VRK2: variants seen among roughly 807,000 people sequenced by gnomAD.
The protein encoded by VRK2 is VRK serine/threonine kinase 2, also known as serine/threonine-protein kinase VRK2.
VRK2 carries 60 observed loss-of-function variants against 57.6 expected under a neutral mutation model. That is an observed-to-expected ratio of 1.04 (90% CI 0.85 to 1.29). The LOEUF is 1.29. Ranked by LOEUF, VRK2 falls within the 50% of genes most tolerant of loss-of-function variation. The pLI is 0.00. For synonymous variants in VRK2, 231 were observed against 199.2 expected, an observed-to-expected ratio of 1.16 and a Z score of -1.35; for missense variants, 705 against 588.1, an observed-to-expected ratio of 1.20 and a Z score of -2.06.
intron 1 of VRK2, among the ~76,000 whole-genome samples, chr2:57,957,240 T>A (rs576068967): frequency 1.3e-5 from 2 of 152,298 alleles, no homozygotes; most frequent in South Asian, 4.1e-4. Flanking sequence ...ACTACCTCTT[T>A]CAAATAATTC....
intron 2 of VRK2, among the ~76,000 whole-genome samples, chr2:58,058,912 A>G (rs1022805164): frequency 6.6e-6 from 1 of 152,054 alleles, no homozygotes; most frequent in Non-Finnish European, 1.5e-5. Flanking sequence ...GTCCAAGAAC[A>G]CTTGAATTTA....
intron 7 of VRK2, among the ~76,000 whole-genome samples, chr2:58,108,567 A>G (rs1480934343): frequency 1.3e-5 from 2 of 151,796 alleles, no homozygotes; most frequent in Non-Finnish European, 2.9e-5. Context: ...CTCCGCCCTC[A>G]ACACACACTG....
chr2:58,013,594 G>T (rs1161695392), intron 1 of VRK2, among the ~76,000 whole-genome samples: 1 of 152,086 alleles, frequency 6.6e-6, no homozygotes, highest in South Asian at 2.1e-4. Context: ...ATACAGGGCC[G>T]GGCGCGGTGG....
intron 1 of VRK2, among the ~76,000 whole-genome samples, chr2:57,976,650 A>G (rs1022548711): frequency 6.6e-6 from 1 of 151,986 alleles, no homozygotes; most frequent in African/African-American, 2.4e-5. Flanking sequence ...TTGCAAATAT[A>G]TTCTTCCCTA....
intron 12 of VRK2, among the ~76,000 whole-genome samples, chr2:58,156,242 T>TG (rs1229881076): frequency 2.0e-5 from 3 of 152,166 alleles, no homozygotes; most frequent in African/African-American, 7.2e-5. Context: ...TTTTTTCTGC[T>TG]AAGAAGTTAG....
At chr2:57,995,241 C>T (rs557144216) in intron 1 of VRK2, among the ~76,000 whole-genome samples, 1 of 152,226 alleles carries the variant, frequency 6.6e-6, no homozygotes, top group African/African-American at 2.4e-5. Flanking sequence ...TATCATCATG[C>T]ACTAGTCGTT....
chr2:58,083,640 C>T (rs923382496), intron 2 of VRK2, among the ~76,000 whole-genome samples: 4 of 151,618 alleles, frequency 2.6e-5, no homozygotes, highest in African/African-American at 7.3e-5. Flanking sequence ...TAAATTGAAT[C>T]GATTTTTATT....
At chr2:58,025,674 G>A (rs188486267) in exon 2 of VRK2, 1 of 152,276 alleles carries the variant, frequency 6.6e-6, no homozygotes, top group African/African-American at 2.4e-5. Context: ...GAAATGGAAT[G>A]AATCCCCAAG....
chr2:58,023,114 G>A (rs1312640870), intron 1 of VRK2, among the ~76,000 whole-genome samples: 1 of 152,094 alleles, frequency 6.6e-6, no homozygotes, highest in African/African-American at 2.4e-5. Context: ...AAACTCTGTA[G>A]CCATTAAAGA....
At chr2:58,096,068 A>G (rs1388259227) in intron 7 of VRK2, among the ~76,000 whole-genome samples, 1 of 152,010 alleles carries the variant, frequency 6.6e-6, no homozygotes, top group East Asian at 1.9e-4. Context: ...ATTTGTCTCA[A>G]ATATTTTAAT....
In VRK2 at chr2:58,088,436, G is replaced by GTTGCAGGTTCT; in HGVS notation, c.441_442insTGCAGGTTCTT (p.Ile148CysfsTer24). On this transcript the variant is annotated frameshift_variant, in exon 6 of 13. Coordinates refer to ENST00000340157, the MANE Select transcript of VRK2 (RefSeq NM_006296.7). LOFTEE classifies it high-confidence loss of function. ...AAAAAGTCAACTGTCCTGCAATTAG[G>GTTGCAGGTTCT]TATCCGAATGGTAAGAATTACTTAT... 6.2e-7 allele frequency: 1 copy of GTTGCAGGTTCT among 1,607,956 alleles called. No individual in the cohort carries two copies. The highest frequency in any genetic ancestry group is 8.5e-7 in the Non-Finnish European group (1 of 1,175,412).
chr2:58,049,270 T>C (rs1675352072), intron 2 of VRK2, among the ~76,000 whole-genome samples: 2 of 152,158 alleles, frequency 1.3e-5, no homozygotes, highest in Non-Finnish European at 2.9e-5. Context: ...AGAAACATGC[T>C]TTTTTCAGAT....
chr2:57,965,137 C>T (rs963232468), intron 1 of VRK2, among the ~76,000 whole-genome samples: 2 of 152,098 alleles, frequency 1.3e-5, no homozygotes, highest in Non-Finnish European at 2.9e-5. Context: ...TATTATTTAA[C>T]ATTAGGATAC....
intron 11 of VRK2, among the ~76,000 whole-genome samples, chr2:58,144,707 G>A (rs1189467818): frequency 6.6e-6 from 1 of 151,980 alleles, no homozygotes; most frequent in African/African-American, 2.4e-5. Flanking sequence ...AAGTGGCTCA[G>A]AAGATGGTGA....
intron 2 of VRK2, among the ~76,000 whole-genome samples, chr2:58,051,949 G>T (rs558191929): frequency 6.6e-6 from 1 of 152,180 alleles, no homozygotes; most frequent in Non-Finnish European, 1.5e-5. Context: ...TGGTTTAGGG[G>T]ATGGGAAAAA....
At chr2:58,103,371 A>C (rs1674293547) in intron 7 of VRK2, among the ~76,000 whole-genome samples, 1 of 151,696 alleles carries the variant, frequency 6.6e-6, no homozygotes, top group South Asian at 2.1e-4. Flanking sequence ...CCAAGAATAG[A>C]GAAGTTCCAA....
intron 8 of VRK2, among the ~76,000 whole-genome samples, chr2:58,127,797 A>G (rs1397267036): frequency 6.6e-6 from 1 of 152,158 alleles, no homozygotes; most frequent in Non-Finnish European, 1.5e-5. Flanking sequence ...ATTATTTCCT[A>G]CCGAACCCTG....
chr2:58,070,778 G>A (rs1306255186), intron 2 of VRK2, among the ~76,000 whole-genome samples: 2 of 152,156 alleles, frequency 1.3e-5, no homozygotes, highest in South Asian at 2.1e-4. Flanking sequence ...AATGTTTTAT[G>A]TGCGGATTTT....
At chr2:57,932,634 T>C (rs1054338744) in intron 1 of VRK2, among the ~76,000 whole-genome samples, 4 of 152,076 alleles carry the variant, frequency 2.6e-5, no homozygotes, top group Non-Finnish European at 5.9e-5. Context: ...TTTTAAAATT[T>C]TACTCTTTTA....
Sources: allele counts gnomAD v4.1 joint callset (sites outside exome capture counted in the v4.1 genomes callset), GRCh38; gene constraint gnomAD v4.1.1; transcripts MANE v1.5; gene names NCBI Gene and HGNC (gene_info 2026-07-23, HGNC 2026-07-21).